The following ANAPC10 variants were observed in gnomAD, a reference collection of about 807,000 sequenced individuals.
ANAPC10 encodes anaphase promoting complex subunit 10, also known as anaphase-promoting complex subunit 10.
A neutral mutation model predicts 22.0 loss-of-function variants in ANAPC10; 12 were observed. The ratio of observed to expected loss-of-function variants is 0.55; its 90% CI spans 0.35 to 0.88. ANAPC10 has a LOEUF of 0.88. Ranked by LOEUF, ANAPC10 falls within the 40% of genes least tolerant of loss-of-function variation. The pLI, the probability that ANAPC10 is intolerant of heterozygous loss-of-function variation, is 0.01. For missense variants in ANAPC10, 188 were observed against 220.9 expected (o/e 0.85, Z 0.94); for synonymous variants, 65 against 69.5 (o/e 0.94, Z 0.32).
chr4:145,075,525 G>A (rs1049389224), intron 3 of ANAPC10, among the ~76,000 whole-genome samples: 1 of 151,894 alleles, frequency 6.6e-6, no homozygotes, highest in African/African-American at 2.4e-5. Flanking sequence ...TAAGCAGACT[G>A]TCAGAAGGAA....
At chr4:145,009,278 A>G (rs1733923028) in intron 4 of ANAPC10, among the ~76,000 whole-genome samples, 1 of 152,158 alleles carries the variant, frequency 6.6e-6, no homozygotes, top group East Asian at 1.9e-4. Flanking sequence ...TATAGATTCA[A>G]TGTCATCCCC....
chr4:145,067,232 A>G (rs1228026916), intron 3 of ANAPC10, among the ~76,000 whole-genome samples: 1 of 152,186 alleles, frequency 6.6e-6, no homozygotes, highest in East Asian at 1.9e-4. Flanking sequence ...AAGATTAAAC[A>G]TACAGACTAT....
At chr4:145,090,871 G>A (rs922041795) in intron 2 of ANAPC10, among the ~76,000 whole-genome samples, 1 of 152,136 alleles carries the variant, frequency 6.6e-6, no homozygotes, top group African/African-American at 2.4e-5. Flanking sequence ...TAAAGATTGT[G>A]TCTTTTTTGT....
intron 4 of ANAPC10, among the ~76,000 whole-genome samples, chr4:145,028,438 G>A (rs1207615494): frequency 6.6e-6 from 1 of 152,056 alleles, no homozygotes; most frequent in Non-Finnish European, 1.5e-5. Flanking sequence ...GTGGTACCTT[G>A]TGTGTAACTT....
chr4:145,066,446 G>A (rs2126484157), intron 3 of ANAPC10, among the ~76,000 whole-genome samples: 1 of 152,006 alleles, frequency 6.6e-6, no homozygotes, highest in Non-Finnish European at 1.5e-5. Flanking sequence ...TTCTTCTTAT[G>A]GAGAGATCAA....
chr4:145,016,409 A>G (rs1735146471), intron 4 of ANAPC10, among the ~76,000 whole-genome samples: 1 of 152,230 alleles, frequency 6.6e-6, no homozygotes, highest in Non-Finnish European at 1.5e-5. Context: ...AATCCAACTT[A>G]CAAGGGATGT....
intron 4 of ANAPC10, among the ~76,000 whole-genome samples, chr4:145,049,685 T>A (rs951870666): frequency 1.5e-4 from 23 of 152,236 alleles, no homozygotes; most frequent in African/African-American, 5.5e-4. Context: ...GCTTAAGCAA[T>A]CCTCCCACCT....
At chr4:145,068,419 T>C (rs1341491924) in intron 3 of ANAPC10, among the ~76,000 whole-genome samples, 1 of 152,206 alleles carries the variant, frequency 6.6e-6, no homozygotes, top group Non-Finnish European at 1.5e-5. Context: ...ATATATGTGA[T>C]AGACGATAGC....
intron 2 of ANAPC10, among the ~76,000 whole-genome samples, chr4:145,084,195 A>G (rs1261315214): frequency 6.6e-6 from 1 of 152,232 alleles, no homozygotes; most frequent in Non-Finnish European, 1.5e-5. Flanking sequence ...ATGGATTTGT[A>G]TCTTAAATTT....
intron 1 of ANAPC10, chr4:145,097,889 C>G (rs1748826292): frequency 7.3e-6 from 2 of 272,980 alleles, no homozygotes; most frequent in Admixed American, 4.9e-5. Flanking sequence ...GAACTGACCA[C>G]ACAGTTGAGA....
chr4:145,044,140 T>G (rs1305695532), intron 4 of ANAPC10, among the ~76,000 whole-genome samples: 1 of 152,138 alleles, frequency 6.6e-6, no homozygotes, highest in Non-Finnish European at 1.5e-5. Context: ...GAGATAATGC[T>G]GCCCTTGACA....
chr4:144,996,696 C>G (rs1177843193), intron 4 of ANAPC10, among the ~76,000 whole-genome samples: 1 of 152,190 alleles, frequency 6.6e-6, no homozygotes, highest in Non-Finnish European at 1.5e-5. Flanking sequence ...AGAAATGCAG[C>G]TCCTCGCCAG....
intron 4 of ANAPC10, among the ~76,000 whole-genome samples, chr4:145,044,121 A>T (rs1424641874): frequency 1.3e-5 from 2 of 152,124 alleles, no homozygotes; most frequent in Non-Finnish European, 2.9e-5. Flanking sequence ...AACAAAAAAT[A>T]GATTCAAGGA....
chr4:145,025,539 C>T (rs1206645480), intron 4 of ANAPC10, among the ~76,000 whole-genome samples: 2 of 152,038 alleles, frequency 1.3e-5, no homozygotes, highest in Non-Finnish European at 2.9e-5. Context: ...GTAGTCAGAA[C>T]ACACACAGTT....
intron 2 of ANAPC10, among the ~76,000 whole-genome samples, chr4:145,094,032 G>A (rs1560943653): frequency 2.0e-5 from 3 of 152,138 alleles, no homozygotes. Flanking sequence ...ACACAATTTG[G>A]AAGCGGTCCA....
At chr4:145,043,978 C>T (rs774203290) in intron 4 of ANAPC10, among the ~76,000 whole-genome samples, 1 of 151,800 alleles carries the variant, frequency 6.6e-6, no homozygotes, top group Non-Finnish European at 1.5e-5. Flanking sequence ...TTGATCATTA[C>T]CAAAAAAAGA....
chr4:145,007,068 C>G (rs184546961), intron 4 of ANAPC10, among the ~76,000 whole-genome samples: 51 of 151,914 alleles, frequency 3.4e-4, no homozygotes, highest in Non-Finnish European at 6.0e-4. Flanking sequence ...AAGAACAGCT[C>G]CAGTGCACAG....
intron 4 of ANAPC10, among the ~76,000 whole-genome samples, chr4:145,013,087 A>T (rs1734599298): frequency 6.6e-6 from 1 of 152,154 alleles, no homozygotes; most frequent in African/African-American, 2.4e-5. Context: ...GCTTCCCCAG[A>T]CATGCTTCCT....
chr4:145,074,242 T>C (rs541118672), intron 3 of ANAPC10, among the ~76,000 whole-genome samples: 5 of 152,006 alleles, frequency 3.3e-5, no homozygotes, highest in African/African-American at 1.2e-4. Context: ...TTTCTTATTA[T>C]ATTTTTTCCT....
Sources: gnomAD v4.1 joint callset for allele counts (sites outside exome capture counted in the v4.1 genomes callset) on GRCh38, gnomAD v4.1.1 for gene constraint, MANE v1.5 for transcripts, NCBI Gene and HGNC (gene_info 2026-07-23, HGNC 2026-07-21) for gene names.